Variants in HS3ST5 observed in about 807,000 individuals in gnomAD.
HS3ST5 encodes the protein heparan sulfate glucosamine 3-O-sulfotransferase 5.
HS3ST5 carries 10 observed loss-of-function variants against 25.4 expected under a neutral mutation model. That is an observed-to-expected ratio of 0.39 (90% CI 0.24 to 0.67). The LOEUF is 0.67. HS3ST5 is among the 30% of genes least tolerant of loss of function. HS3ST5 has a pLI of 0.44. For synonymous variants in HS3ST5, 170 were observed against 162.4 expected (o/e 1.05, Z -0.36); for missense variants, 324 against 420.7 (o/e 0.77, Z 2.01).
At chr6:114,168,728 A>C (rs1268655725) in intron 2 of HS3ST5, among the ~76,000 whole-genome samples, 7 of 152,210 alleles carry the variant, frequency 4.6e-5, no homozygotes, top group African/African-American at 1.7e-4. Context: ...ATGGGCTAGG[A>C]AATGGGGAGC....
At chr6:114,108,239 A>C (rs933410749) in intron 3 of HS3ST5, among the ~76,000 whole-genome samples, 1 of 152,220 alleles carries the variant, frequency 6.6e-6, no homozygotes, top group Non-Finnish European at 1.5e-5. Flanking sequence ...TATAAGGAGC[A>C]GCTACGCTTT....
chr6:114,183,330 C>G (rs1486692170), intron 2 of HS3ST5, among the ~76,000 whole-genome samples: 1 of 152,066 alleles, frequency 6.6e-6, no homozygotes, highest in Non-Finnish European at 1.5e-5. Flanking sequence ...AAGGGAAACC[C>G]CTTTTGCCTG....
chr6:114,090,718 A>G (rs1286892860), intron 3 of HS3ST5, among the ~76,000 whole-genome samples: 1 of 152,232 alleles, frequency 6.6e-6, no homozygotes, highest in Non-Finnish European at 1.5e-5. Flanking sequence ...TTCCTTTTCA[A>G]CTTGCATCAC....
intron 1 of HS3ST5, among the ~76,000 whole-genome samples, chr6:114,232,288 T>A (rs1771634669): frequency 6.6e-6 from 1 of 152,206 alleles, no homozygotes; most frequent in South Asian, 2.1e-4. Context: ...CTATGACCAA[T>A]CATTTGGTGA....
At chr6:114,300,180 G>A (rs1775012345) in intron 1 of HS3ST5, among the ~76,000 whole-genome samples, 1 of 151,570 alleles carries the variant, frequency 6.6e-6, no homozygotes, top group African/African-American at 2.4e-5. Flanking sequence ...TAAAACTATT[G>A]TGCTATAGTA....
chr6:114,297,350 G>A lies in HS3ST5; in HGVS notation c.-339+44845C>T, dbSNP rs11963139. Reference sequence around the variant, plus strand: ...CAAGCAAGAGAATCTGCTGAATAAGGCCATTTCGGATACGCAGGGAACACC... The same window carrying A: ...CAAGCAAGAGAATCTGCTGAATAAGACCATTTCGGATACGCAGGGAACACC... On this transcript the variant is annotated intron_variant, in intron 1 of 4. Transcript: ENST00000312719. 1.1e-4 allele frequency among the ~76,000 whole-genome samples: 16 copies of A among 152,210 alleles called. No homozygotes were observed. The South Asian group carries it at 3.3e-3, about 32-fold the overall frequency.
At chr6:114,116,629 T>A (rs73536646) in intron 3 of HS3ST5, among the ~76,000 whole-genome samples, 2,093 of 152,224 alleles carry the variant, frequency 0.014, 35 homozygotes, top group African/African-American at 0.044. Context: ...CTTTCAAGGT[T>A]TAACCCTTGC....
chr6:114,076,703 T>C (rs1774159861), intron 3 of HS3ST5, among the ~76,000 whole-genome samples: 1 of 152,138 alleles, frequency 6.6e-6, no homozygotes, highest in Non-Finnish European at 1.5e-5. Flanking sequence ...CCTTCTGTAA[T>C]AATAATTACG....
chr6:114,190,958 G>A (rs1780473521), intron 2 of HS3ST5, among the ~76,000 whole-genome samples: 2 of 152,118 alleles, frequency 1.3e-5, no homozygotes, highest in African/African-American at 4.8e-5. Flanking sequence ...TAGATTATTG[G>A]GGGGTGAAGG....
chr6:114,335,307 CAAA>C (rs60574979), intron 1 of HS3ST5, among the ~76,000 whole-genome samples: 7 of 128,624 alleles, frequency 5.4e-5, no homozygotes, highest in African/African-American at 1.9e-4. Flanking sequence ...AAATGAGTGG[CAAA>C]AAAAAAAAAA....
chr6:114,250,389 G>A (rs928492866), intron 1 of HS3ST5, among the ~76,000 whole-genome samples: 2 of 152,152 alleles, frequency 1.3e-5, no homozygotes, highest in Non-Finnish European at 2.9e-5. Flanking sequence ...AGACCATCCT[G>A]GCTAACACGG....
chr6:114,342,142 T>C (rs1776906629), intron 1 of HS3ST5, 53 bp downstream of exon 1: 2 of 152,284 alleles, frequency 1.3e-5, no homozygotes, highest in African/African-American at 2.4e-5. Context: ...CCCCCAAATC[T>C]AGAGGTCTCA....
At chr6:114,244,555 C>T (rs1312131301) in intron 1 of HS3ST5, among the ~76,000 whole-genome samples, 13 of 152,096 alleles carry the variant, frequency 8.5e-5, no homozygotes, top group Non-Finnish European at 7.3e-5. Flanking sequence ...TATTTGAGCA[C>T]GATGTTTTCT....
chr6:114,093,358 TGTGTGTGTGTGTG>T (rs771252259), intron 3 of HS3ST5, among the ~76,000 whole-genome samples: 20,069 of 69,024 alleles, frequency 0.29, 1,583 homozygotes, highest in Non-Finnish European at 0.33. Flanking sequence ...TTTGTTTGTG[TGTGTGTGTGTGTG>T]TGTGTGTGTG....
At chr6:114,140,534 T>C (rs1390067468) in intron 3 of HS3ST5, among the ~76,000 whole-genome samples, 2 of 152,254 alleles carry the variant, frequency 1.3e-5, no homozygotes, top group Non-Finnish European at 2.9e-5. Context: ...TTGCTTGTTA[T>C]AGTGTTCTAA....
intron 3 of HS3ST5, among the ~76,000 whole-genome samples, chr6:114,103,857 A>ATTTTTTTTTTT (rs71553394): frequency 5.6e-5 from 6 of 107,144 alleles, no homozygotes; most frequent in African/African-American, 7.4e-5. Context: ...CACCTGGCTA[A>ATTTTTTTTTTT]TTTTTTTTTT....
intron 1 of HS3ST5, among the ~76,000 whole-genome samples, chr6:114,322,379 G>T (rs985114016): frequency 1.3e-5 from 2 of 152,008 alleles, no homozygotes; most frequent in Non-Finnish European, 2.9e-5. Flanking sequence ...TTCCTAATCA[G>T]GTTTGAAAGA....
At position 114,182,408 on chromosome 6, in the gene HS3ST5, T is replaced by C. The variant is rs141175361; in HGVS notation, c.-144-13946A>G. Among the ~76,000 whole-genome samples the C allele has an allele frequency of 2.6e-5, 4 of 152,342 alleles. No homozygotes were observed. The East Asian group carries it at 5.8e-4, about 22-fold the overall frequency. On this transcript the variant is annotated intron_variant, in intron 2 of 4. Coordinates refer to ENST00000312719, the MANE Select transcript of HS3ST5 (RefSeq NM_153612.4). ...AGGTCAGGTTAAGAGGAAAAAATTC[T>C]AGAGAATAGTCATAGAAAATAAACC...
At chr6:114,165,583 T>G (rs548361289) in intron 3 of HS3ST5, among the ~76,000 whole-genome samples, 1 of 152,328 alleles carries the variant, frequency 6.6e-6, no homozygotes, top group Admixed American at 6.5e-5. Context: ...TTCATAGTAA[T>G]GTCATGTGAG....
Sources: allele counts gnomAD v4.1 joint callset (sites outside exome capture counted in the v4.1 genomes callset), GRCh38; gene constraint gnomAD v4.1.1; transcripts MANE v1.5; gene names NCBI Gene and HGNC (gene_info 2026-07-23, HGNC 2026-07-21).